FHIT: variants seen among roughly 807,000 people sequenced by gnomAD.
FHIT encodes fragile histidine triad diadenosine triphosphatase.
Under a neutral mutation model 17.9 loss-of-function variants are expected in FHIT, and 19 were observed. The observed-to-expected ratio is 1.06, with a 90% CI of 0.74 to 1.56. FHIT has a LOEUF of 1.56. Among genes scored for constraint, FHIT ranks in the 40% most tolerant of loss-of-function variants. The pLI, the probability that FHIT is intolerant of heterozygous loss-of-function variation, is 0.00. For missense variants in FHIT, 248 were observed against 189.2 expected, an observed-to-expected ratio of 1.31 and a Z score of -1.82; for synonymous variants, 81 against 69.7, an observed-to-expected ratio of 1.16 and a Z score of -0.81.
intron 5 of FHIT, among the ~76,000 whole-genome samples, chr3:60,270,557 C>G (rs1706810672): frequency 6.6e-6 from 1 of 152,146 alleles, no homozygotes; most frequent in African/African-American, 2.4e-5. Flanking sequence ...AATTATCATA[C>G]ACATGCAGAA....
intron 4 of FHIT, among the ~76,000 whole-genome samples, chr3:60,552,307 G>A (rs1341452819): frequency 6.6e-6 from 1 of 152,190 alleles, no homozygotes; most frequent in African/African-American, 2.4e-5. Flanking sequence ...CAAGTTTTGT[G>A]TGGACTTATG....
chr3:59,994,937 G>GA (rs1426565236), intron 7 of FHIT, among the ~76,000 whole-genome samples: 3 of 152,070 alleles, frequency 2.0e-5, no homozygotes, highest in Admixed American at 2.0e-4. Context: ...CAGAGTGTTT[G>GA]CCTAACAAAT....
intron 4 of FHIT, among the ~76,000 whole-genome samples, chr3:60,720,793 A>G (rs1553707872): frequency 1.3e-5 from 2 of 152,176 alleles, no homozygotes; most frequent in Non-Finnish European, 2.9e-5. Flanking sequence ...AAGAGTCCTC[A>G]TTAATCATGG....
chr3:60,146,670 G>A (rs889156692), intron 5 of FHIT, among the ~76,000 whole-genome samples: 1 of 152,110 alleles, frequency 6.6e-6, no homozygotes, highest in Non-Finnish European at 1.5e-5. Flanking sequence ...CGCCTGAAAT[G>A]GGGTAAGTGT....
intron 8 of FHIT, among the ~76,000 whole-genome samples, chr3:59,843,089 G>A (rs1015180373): frequency 6.6e-6 from 1 of 152,102 alleles, no homozygotes; most frequent in Non-Finnish European, 1.5e-5. Flanking sequence ...ATGGTGTAAG[G>A]TAAGGAATGT....
intron 5 of FHIT, among the ~76,000 whole-genome samples, chr3:60,446,669 T>C (rs1345139728): frequency 6.6e-6 from 1 of 151,926 alleles, no homozygotes; most frequent in African/African-American, 2.4e-5. Context: ...CTGGTCAACA[T>C]AGCAAGACCC....
chr3:60,582,277 G>A (rs557587440), intron 4 of FHIT, among the ~76,000 whole-genome samples: 10 of 152,044 alleles, frequency 6.6e-5, no homozygotes, highest in Non-Finnish European at 1.5e-4. Context: ...TGTGGGGGGC[G>A]ACTAGTCATT....
intron 4 of FHIT, among the ~76,000 whole-genome samples, chr3:60,762,486 G>A (rs1237539803): frequency 6.6e-6 from 1 of 152,148 alleles, no homozygotes; most frequent in African/African-American, 2.4e-5. Context: ...CCATGGCAAG[G>A]CATAACCATG....
chr3:60,226,900 AT>A (rs1245520688), intron 5 of FHIT, among the ~76,000 whole-genome samples: 6 of 75,858 alleles, frequency 7.9e-5, no homozygotes, highest in African/African-American at 2.9e-4. Flanking sequence ...TGGCTAGAAC[AT>A]CTATCTACCT....
intron 5 of FHIT, among the ~76,000 whole-genome samples, chr3:60,193,487 A>C (rs1274737966): frequency 6.6e-6 from 1 of 152,254 alleles, no homozygotes; most frequent in Admixed American, 6.5e-5. Flanking sequence ...AGTTGGCTAA[A>C]GAGCTTCCAG....
intron 3 of FHIT, among the ~76,000 whole-genome samples, chr3:60,889,430 G>A (rs1375687489): frequency 6.6e-6 from 1 of 152,008 alleles, no homozygotes; most frequent in Admixed American, 6.5e-5. Context: ...TTTCTTTTGC[G>A]GCACCGAAAC....
intron 4 of FHIT, among the ~76,000 whole-genome samples, chr3:60,645,954 G>C (rs1173889822): frequency 6.6e-6 from 1 of 152,142 alleles, no homozygotes; most frequent in African/African-American, 2.4e-5. Context: ...GAAATATGTG[G>C]ACTTAAAATA....
chr3:60,215,160 G>C (rs965396050), intron 5 of FHIT, among the ~76,000 whole-genome samples: 7 of 151,864 alleles, frequency 4.6e-5, no homozygotes, highest in African/African-American at 1.7e-4. Flanking sequence ...CACACCCCTG[G>C]AATCTAAAAT....
At chr3:61,224,551 G>A (rs561061307) in intron 1 of FHIT, among the ~76,000 whole-genome samples, 7 of 152,030 alleles carry the variant, frequency 4.6e-5, no homozygotes, top group South Asian at 2.1e-4. Context: ...CTGGGACCAC[G>A]GGCACATGCC....
chr3:60,321,649 T>C (rs1160742329), intron 5 of FHIT, among the ~76,000 whole-genome samples: 3 of 152,340 alleles, frequency 2.0e-5, no homozygotes, highest in Admixed American at 1.3e-4. Flanking sequence ...TCTCTGTATA[T>C]ATTTAAAATA....
chr3:60,136,175 A>AT (rs1055378308), intron 5 of FHIT, among the ~76,000 whole-genome samples: 3 of 151,988 alleles, frequency 2.0e-5, no homozygotes, highest in Non-Finnish European at 4.4e-5. Flanking sequence ...CTGCTATCTG[A>AT]TTTTACACAA....
chr3:60,009,406 C>T (rs956782765), intron 7 of FHIT, among the ~76,000 whole-genome samples: 1 of 152,050 alleles, frequency 6.6e-6, no homozygotes. Flanking sequence ...GCTAAATAAT[C>T]AGGGTGATGA....
At chr3:61,158,910 T>A (rs1446207176) in intron 2 of FHIT, among the ~76,000 whole-genome samples, 1 of 152,190 alleles carries the variant, frequency 6.6e-6, no homozygotes, top group Non-Finnish European at 1.5e-5. Flanking sequence ...TGACAAGCCC[T>A]TCTCCACTGC....
At chr3:60,876,717 G>T (rs1553756606) in intron 3 of FHIT, among the ~76,000 whole-genome samples, 1 of 152,098 alleles carries the variant, frequency 6.6e-6, no homozygotes, top group Non-Finnish European at 1.5e-5. Flanking sequence ...TAAGTTTAGG[G>T]GAGCAACATC....
Sources: allele counts gnomAD v4.1 joint callset (sites outside exome capture counted in the v4.1 genomes callset), GRCh38; gene constraint gnomAD v4.1.1; transcripts MANE v1.5; gene names NCBI Gene and HGNC (gene_info 2026-07-23, HGNC 2026-07-21).